The following VEGFC variants were observed in gnomAD, a reference collection of about 807,000 sequenced individuals.
VEGFC encodes the protein FLT4 ligand DHM.
Under a neutral mutation model 46.1 loss-of-function variants are expected in VEGFC, and 12 were observed. The ratio of observed to expected loss-of-function variants is 0.26; its 90% confidence interval spans 0.17 to 0.42. VEGFC has a LOEUF of 0.42. VEGFC is among the 10% of genes least tolerant of loss of function. VEGFC has a pLI of 1.00. For missense variants in VEGFC, 488 were observed against 529.4 expected, an observed-to-expected ratio of 0.92 and a Z score of 0.77; for synonymous variants, 232 against 195.5, an observed-to-expected ratio of 1.19 and a Z score of -1.56.
At chr4:176,742,518 T>G (rs1289271867) in intron 1 of VEGFC, among the ~76,000 whole-genome samples, 5 of 152,000 alleles carry the variant, frequency 3.3e-5, no homozygotes, top group Admixed American at 6.6e-5. Flanking sequence ...ATTTTCATAT[T>G]GTTTTCCTTA....
chr4:176,784,117 T>A (rs1458639381), intron 1 of VEGFC, among the ~76,000 whole-genome samples: 2 of 147,536 alleles, frequency 1.4e-5, no homozygotes, highest in African/African-American at 5.2e-5. Flanking sequence ...CAGGCTGGAG[T>A]GCAGTGGGGT....
intron 1 of VEGFC, among the ~76,000 whole-genome samples, chr4:176,734,902 T>G (rs1401073334): frequency 6.6e-6 from 1 of 151,830 alleles, no homozygotes; most frequent in African/African-American, 2.4e-5. Flanking sequence ...TGCCTTTGTA[T>G]GAAAGCAGAA....
chr4:176,777,074 G>A (rs1735825956), intron 1 of VEGFC, among the ~76,000 whole-genome samples: 1 of 152,174 alleles, frequency 6.6e-6, no homozygotes, highest in South Asian at 2.1e-4. Context: ...AGCACTTTGG[G>A]AGGCCGAGGT....
At chr4:176,724,039 C>A (rs910881076) in intron 3 of VEGFC, among the ~76,000 whole-genome samples, 4 of 152,130 alleles carry the variant, frequency 2.6e-5, no homozygotes, top group African/African-American at 9.7e-5. Context: ...AGGAATTAAG[C>A]CCAGTACCCA....
chr4:176,718,076 C>T (rs1734725118), intron 3 of VEGFC, among the ~76,000 whole-genome samples: 1 of 152,136 alleles, frequency 6.6e-6, no homozygotes, highest in Non-Finnish European at 1.5e-5. Flanking sequence ...ATACGTGAAT[C>T]TCATTGTACC....
At chr4:176,723,939 T>C (rs1734832905) in intron 3 of VEGFC, among the ~76,000 whole-genome samples, 1 of 152,038 alleles carries the variant, frequency 6.6e-6, no homozygotes, top group Admixed American at 6.6e-5. Context: ...ATAGGTAAAC[T>C]TTTATTTTAG....
chr4:176,699,944 TA>T (rs1439020315), intron 4 of VEGFC, among the ~76,000 whole-genome samples: 2 of 152,246 alleles, frequency 1.3e-5, no homozygotes, highest in African/African-American at 4.8e-5. Flanking sequence ...CTGTTTGTGT[TA>T]CTGTTTGCTC....
intron 1 of VEGFC, among the ~76,000 whole-genome samples, chr4:176,754,903 T>C (rs1187848102): frequency 6.6e-6 from 1 of 152,086 alleles, no homozygotes; most frequent in Non-Finnish European, 1.5e-5. Context: ...TGTTATATAT[T>C]ACATAAAAAT....
At chr4:176,736,082 C>T (rs1735048413) in intron 1 of VEGFC, among the ~76,000 whole-genome samples, 1 of 151,776 alleles carries the variant, frequency 6.6e-6, no homozygotes, top group Admixed American at 6.6e-5. Flanking sequence ...CCACCTCCTC[C>T]ATGGAATCTA....
At chr4:176,731,424 C>T (rs1015453171) in intron 1 of VEGFC, among the ~76,000 whole-genome samples, 3 of 151,818 alleles carry the variant, frequency 2.0e-5, no homozygotes, top group Admixed American at 1.3e-4. Flanking sequence ...AGCAAAACAT[C>T]GCATCACATA....
At chr4:176,700,435 T>C (rs571029169) in intron 4 of VEGFC, among the ~76,000 whole-genome samples, 1 of 152,118 alleles carries the variant, frequency 6.6e-6, no homozygotes, top group East Asian at 1.9e-4. Context: ...AGGGTGTTTA[T>C]ATGTTTAATT....
intron 3 of VEGFC, 88 bp downstream of exon 3, chr4:176,727,690 G>T: frequency 2.2e-6 from 3 of 1,374,638 alleles, no homozygotes; most frequent in South Asian, 1.8e-5. Context: ...TTAGTTTAAA[G>T]CAACCAGAAG....
At chr4:176,760,165 T>C (rs1300752649) in intron 1 of VEGFC, among the ~76,000 whole-genome samples, 26 of 152,170 alleles carry the variant, frequency 1.7e-4, no homozygotes, top group Admixed American at 1.7e-3. Flanking sequence ...TTTCTCTGAA[T>C]ATAGCTTTGG....
chr4:176,721,672 G>A (rs1342459628), intron 3 of VEGFC, among the ~76,000 whole-genome samples: 2 of 152,198 alleles, frequency 1.3e-5, no homozygotes, highest in Admixed American at 1.3e-4. Flanking sequence ...CTGGCTGAAT[G>A]ATGATGTCAT....
intron 1 of VEGFC, among the ~76,000 whole-genome samples, chr4:176,733,917 TA>T (rs1735007973): frequency 6.6e-6 from 1 of 151,960 alleles, no homozygotes; most frequent in South Asian, 2.1e-4. Context: ...TAAAGAACTT[TA>T]AAAAAATAAT....
At chr4:176,759,445 G>A (rs916777143) in intron 1 of VEGFC, among the ~76,000 whole-genome samples, 3 of 152,148 alleles carry the variant, frequency 2.0e-5, no homozygotes, top group Non-Finnish European at 2.9e-5. Flanking sequence ...GAGTAGAATG[G>A]TGGATACCAG....
chr4:176,736,918 G>A (rs1453692615), intron 1 of VEGFC, among the ~76,000 whole-genome samples: 2 of 151,242 alleles, frequency 1.3e-5, no homozygotes, highest in African/African-American at 4.8e-5. Flanking sequence ...TGAAGCATAA[G>A]TCATTTTAAT....
chr4:176,686,550 C>G (rs1184849423), intron 6 of VEGFC, among the ~76,000 whole-genome samples: 3 of 152,144 alleles, frequency 2.0e-5, no homozygotes, highest in Admixed American at 6.6e-5. Flanking sequence ...GTCAAACGGA[C>G]AGGTCTGGCT....
intron 1 of VEGFC, among the ~76,000 whole-genome samples, chr4:176,787,195 C>G (rs1263701002): frequency 6.6e-6 from 1 of 152,020 alleles, no homozygotes; most frequent in Non-Finnish European, 1.5e-5. Context: ...GGCGCAGTGG[C>G]TCATGCCTGT....
Sources: allele counts gnomAD v4.1 joint callset (sites outside exome capture counted in the v4.1 genomes callset), GRCh38; gene constraint gnomAD v4.1.1; transcripts MANE v1.5; gene names NCBI Gene and HGNC (gene_info 2026-07-23, HGNC 2026-07-21).